Variants in SMC2 observed in about 807,000 individuals in gnomAD.
The protein encoded by SMC2 is structural maintenance of chromosomes 2, also known as structural maintenance of chromosomes protein 2.
SMC2 carries 41 observed loss-of-function variants against 142.6 expected under a neutral mutation model. The observed-to-expected ratio is 0.29, with a 90% CI of 0.22 to 0.37. SMC2 has a LOEUF of 0.37. Ranked by LOEUF, SMC2 falls within the 10% of genes least tolerant of loss-of-function variation. The probability of loss-of-function intolerance (pLI) is 1.00; values close to 1 mark genes in which losing one functional copy is unlikely to be tolerated. For missense variants in SMC2, 1,265 were observed against 1,373.7 expected, an observed-to-expected ratio of 0.92 and a Z score of 1.25; for synonymous variants, 463 against 457.5, an observed-to-expected ratio of 1.01 and a Z score of -0.15.
intron 3 of SMC2, among the ~76,000 whole-genome samples, chr9:104,097,986 C>T (rs1830646978): frequency 6.6e-6 from 1 of 152,182 alleles, no homozygotes; most frequent in Admixed American, 6.5e-5. Context: ...CATGATTACC[C>T]TTTCTTTTAA....
Position 104,126,657 on chromosome 9 carries a change from C to G in SMC2, c.2468C>G (p.Thr823Ser). The change falls in exon 19 of 25, where the codon ACT becomes AGT. Residue 823 changes from threonine (T) to serine (S), a missense_variant. By Grantham distance (58) the Thr-to-Ser change is moderately conservative. Around this residue, in one of 4 missense-constraint regions of SMC2, gnomAD observed 898 missense variants for 904.2 expected, o/e 0.99. Coordinates refer to ENST00000374793, the MANE Select transcript of SMC2 (RefSeq NM_006444.3). The part of the protein sequence containing the change: ...KEKQQEVEAI[T>S]LELEELKREH... ...TTTTTATAGGAAGTTGAAGCTATCA[C>G]TCTGGAACTGGAAGAGCTCAAGAGA... 1 of 1,608,484 alleles carries G rather than the reference C, an allele frequency of 6.2e-7. No individual in the cohort carries two copies. Among genetic ancestry groups the G allele is most frequent in the Non-Finnish European group, 8.5e-7 (1 of 1,178,806 alleles).
intron 9 of SMC2, among the ~76,000 whole-genome samples, chr9:104,107,448 G>A (rs940024557): frequency 1.3e-5 from 2 of 152,308 alleles, no homozygotes; most frequent in South Asian, 2.1e-4. Context: ...CAGGCTAACA[G>A]ACTGTAAATG....
At chr9:104,107,081 A>T (rs1042275031) in intron 9 of SMC2, among the ~76,000 whole-genome samples, 1 of 152,088 alleles carries the variant, frequency 6.6e-6, no homozygotes, top group East Asian at 1.9e-4. Context: ...CATTTTTTTC[A>T]TGAAGCCTGC....
In SMC2 at chr9:104,116,368, T is replaced by C. The variant is rs1367512464; in HGVS notation, c.1791+49T>C. 3.3e-6 allele frequency: 5 copies of C among 1,522,696 alleles called. No homozygotes were observed. The South Asian group carries it at 3.8e-5, about 12-fold the overall frequency. The allele number at this position is 1,522,696 out of a possible 1,614,324, so 94.3% of individuals were successfully genotyped here. ...ATATGTTTAATCGTCATCTGTGGTTTTTTTAAGTTAGAAGACATTAATTTT... is the reference window on the plus strand; with the variant it reads ...ATATGTTTAATCGTCATCTGTGGTTCTTTTAAGTTAGAAGACATTAATTTT... On this transcript the variant is annotated intron_variant, in intron 14 of 24. Coordinates refer to ENST00000374793, the MANE Select transcript of SMC2 (RefSeq NM_006444.3).
At chr9:104,125,166 T>A in intron 18 of SMC2, 61 bp downstream of exon 18, 2 of 1,192,372 alleles carry the variant, frequency 1.7e-6, no homozygotes, top group South Asian at 1.6e-5. Flanking sequence ...CTGAAGGTGG[T>A]AGAGCATCAT....
chr9:104,119,535 A>C (rs1235149626), intron 15 of SMC2, among the ~76,000 whole-genome samples: 1 of 152,210 alleles, frequency 6.6e-6, no homozygotes, highest in African/African-American at 2.4e-5. Context: ...TTCCATGTTT[A>C]TGCTACATCT....
In SMC2 at chr9:104,127,271, A is replaced by AT. The variant is rs765015673; in HGVS notation, c.2596-8dup. 21 of 1,532,142 alleles carry AT rather than the reference A, an allele frequency of 1.4e-5. No individual in the cohort carries two copies. The highest frequency in any genetic ancestry group is 1.8e-5 in the Non-Finnish European group (20 of 1,139,356). The allele number at this position is 1,532,142 out of a possible 1,614,324, so 94.9% of individuals were successfully genotyped here. On this transcript the variant is annotated splice_polypyrimidine_tract_variant and intron_variant, in intron 19 of 24. Transcript: ENST00000374793. ...GTTACCTCACCACATATTTTCTTTA[A>AT]TTTTTTTGTTTTAGGAGTCAGTAAA...
upstream of SMC2, among the ~76,000 whole-genome samples, chr9:104,090,192 T>A (rs981163435): frequency 6.6e-6 from 1 of 152,140 alleles, no homozygotes; most frequent in Non-Finnish European, 1.5e-5. Flanking sequence ...ATAAACCATA[T>A]ACAACCGTAA....
chr9:104,114,113 G>T, intron 12 of SMC2, 32 bp downstream of exon 12: 1 of 1,250,524 alleles, frequency 8.0e-7, no homozygotes, highest in Non-Finnish European at 1.1e-6. Flanking sequence ...TTTTAACATA[G>T]TAATAATCAA....
intron 23 of SMC2, among the ~76,000 whole-genome samples, chr9:104,135,553 G>C (rs2131565339): frequency 6.6e-6 from 1 of 152,194 alleles, no homozygotes; most frequent in African/African-American, 2.4e-5. Context: ...CAGATTTGAT[G>C]AATTCTGTAA....
intron 20 of SMC2, among the ~76,000 whole-genome samples, chr9:104,128,195 C>CTT (rs1238356760): frequency 6.6e-6 from 1 of 152,062 alleles, no homozygotes; most frequent in African/African-American, 2.4e-5. Context: ...AATACATGAA[C>CTT]TTTAACTTCA....
intron 20 of SMC2, among the ~76,000 whole-genome samples, chr9:104,128,282 A>G (rs1564110519): frequency 6.6e-6 from 1 of 152,202 alleles, no homozygotes; most frequent in African/African-American, 2.4e-5. Flanking sequence ...AACATTTTTC[A>G]TGGCTACATT....
upstream of SMC2, among the ~76,000 whole-genome samples, chr9:104,089,403 T>C (rs1829960629): frequency 6.6e-6 from 1 of 152,056 alleles, no homozygotes; most frequent in South Asian, 2.1e-4. Context: ...GGCAGATGTG[T>C]GTGGATTTGA....
intron 4 of SMC2, among the ~76,000 whole-genome samples, chr9:104,099,002 C>A (rs989463928): frequency 1.3e-5 from 2 of 151,968 alleles, no homozygotes; most frequent in South Asian, 4.1e-4. Flanking sequence ...ATCCAGCTGC[C>A]GTTTGAGAGA....
At chr9:104,092,664 A>G (rs1830019630), upstream of SMC2, 1 of 152,250 alleles carries the variant, frequency 6.6e-6, no homozygotes, top group Non-Finnish European at 1.5e-5. Flanking sequence ...GTGGATAAGC[A>G]TACCAGAGTA....
chr9:104,120,185 T>G, intron 16 of SMC2, 23 bp downstream of exon 16: 2 of 1,557,898 alleles, frequency 1.3e-6, no homozygotes, highest in Non-Finnish European at 1.7e-6. Context: ...TATACTTTTT[T>G]TAATTAAAGA....
At chr9:104,098,694 C>T (rs773917860) in intron 4 of SMC2, 126 bp downstream of exon 4, 24 of 888,742 alleles carry the variant, frequency 2.7e-5, no homozygotes, top group South Asian at 7.0e-5. Context: ...GTGCTGTGTC[C>T]GGCCATCTGT....
rs1199923741 is a variant in SMC2, at chr9:104,140,065, T to G, written c.*750T>G. ...AGGAGGTGTGTTGCGTGGTACTATC[T>G]GCTGCAAATTTATCTGAAGTTTGTT... On this transcript the variant is annotated 3_prime_UTR_variant, in exon 25 of 25. Coordinates refer to ENST00000374793, the MANE Select transcript of SMC2 (RefSeq NM_006444.3). The G allele has an allele frequency of 6.6e-6, 1 of 152,122 alleles. No homozygotes were observed. Among genetic ancestry groups the G allele is most frequent in the Non-Finnish European group, 1.5e-5 (1 of 67,996 alleles). 9.4% of individuals were successfully genotyped at this position (152,122 alleles called of 1,614,324 possible).
At chr9:104,122,125 G>T (rs1833808027) in intron 16 of SMC2, among the ~76,000 whole-genome samples, 1 of 152,154 alleles carries the variant, frequency 6.6e-6, no homozygotes, top group Non-Finnish European at 1.5e-5. Flanking sequence ...TCTGTGATAT[G>T]TGGAAGCTCT....
Sources: gnomAD v4.1 joint callset for allele counts (sites outside exome capture counted in the v4.1 genomes callset) on GRCh38, gnomAD v4.1.1 for gene constraint, gnomAD v4.1.1 regional missense constraint, MANE v1.5 for transcripts, NCBI Gene and HGNC (gene_info 2026-07-23, HGNC 2026-07-21) for gene names.